The following PDE1C variants were observed in gnomAD, a reference collection of about 807,000 sequenced individuals.
The protein encoded by PDE1C is dual specificity calcium/calmodulin-dependent 3',5'-cyclic nucleotide phosphodiesterase 1C.
PDE1C carries 62 observed loss-of-function variants against 93.1 expected under a neutral mutation model. The observed-to-expected ratio is 0.67, with a 90% CI of 0.54 to 0.82. The LOEUF (loss-of-function observed/expected upper bound fraction) is 0.82. Among genes scored for constraint, PDE1C ranks in the 40% least tolerant of loss-of-function variants. The probability of loss-of-function intolerance (pLI) is 0.00; values close to 1 mark genes in which losing one functional copy is unlikely to be tolerated. For synonymous variants in PDE1C, 325 were observed against 310.1 expected (o/e 1.05, Z -0.50); for missense variants, 742 against 884.6 (o/e 0.84, Z 2.04).
chr7:31,809,180 GCC>G, intron 15 of PDE1C, 72 bp from the exon 16 acceptor site: 2 of 816,070 alleles, frequency 2.5e-6, no homozygotes, highest in South Asian at 1.4e-5. Flanking sequence ...CTTTAAGTCT[GCC>G]AAGTTTTGAA....
the PDE1C span, among the ~76,000 whole-genome samples, chr7:31,666,249 G>C: frequency 5.4e-4 from 82 of 152,240 alleles, no homozygotes; most frequent in Non-Finnish European, 1.1e-3. Flanking sequence ...GAAGAAAACT[G>C]AAAAAGTTAA....
chr7:32,004,641 T>C (rs552666637), intron 2 of PDE1C, among the ~76,000 whole-genome samples: 50 of 152,312 alleles, frequency 3.3e-4, no homozygotes, highest in African/African-American at 1.1e-3. Flanking sequence ...AGCAGGGATG[T>C]AGGAAGATGG....
chr7:31,765,708 T>C (rs1026029344), intron 17 of PDE1C, among the ~76,000 whole-genome samples: 2 of 152,166 alleles, frequency 1.3e-5, no homozygotes, highest in Middle Eastern at 3.2e-3. Context: ...TAAAAGACAG[T>C]TGCAGAGAGA....
chr7:31,634,739 CA>C, the PDE1C span, among the ~76,000 whole-genome samples: 1 of 152,138 alleles, frequency 6.6e-6, no homozygotes, highest in African/African-American at 2.4e-5. Flanking sequence ...TCCATTTACA[CA>C]ACTGGTTTGG....
chr7:32,292,837 G>A (rs964081595), intron 1 of PDE1C, among the ~76,000 whole-genome samples: 1 of 152,172 alleles, frequency 6.6e-6, no homozygotes, highest in Non-Finnish European at 1.5e-5. Context: ...ATGGCCCCAG[G>A]TGGACCCTGT....
chr7:32,080,480 A>T (rs975495144), intron 3 of PDE1C, among the ~76,000 whole-genome samples: 7 of 152,212 alleles, frequency 4.6e-5, no homozygotes, highest in African/African-American at 1.7e-4. Context: ...AGACCTGAAG[A>T]TGTGGAGCTA....
At chr7:31,685,407 T>C in the PDE1C span, among the ~76,000 whole-genome samples, 8 of 152,220 alleles carry the variant, frequency 5.3e-5, no homozygotes, top group Non-Finnish European at 1.0e-4. Context: ...CCATTGGATA[T>C]AACTGCTTAC....
At chr7:32,228,880 A>C (rs1282076777) in intron 1 of PDE1C, among the ~76,000 whole-genome samples, 2 of 151,834 alleles carry the variant, frequency 1.3e-5, no homozygotes, top group Admixed American at 1.3e-4. Flanking sequence ...CCATGATGCC[A>C]CTCTGCACCC....
chr7:31,845,529 G>A (rs1792454410), intron 9 of PDE1C, among the ~76,000 whole-genome samples: 1 of 152,040 alleles, frequency 6.6e-6, no homozygotes, highest in Non-Finnish European at 1.5e-5. Flanking sequence ...GGCTTGTCAG[G>A]GGGTCAGGGG....
chr7:31,797,779 G>T (rs911294545), intron 16 of PDE1C, among the ~76,000 whole-genome samples: 1 of 151,634 alleles, frequency 6.6e-6, no homozygotes, highest in Non-Finnish European at 1.5e-5. Flanking sequence ...TAAAAACAAC[G>T]CAGTATCGTC....
intron 1 of PDE1C, among the ~76,000 whole-genome samples, chr7:32,062,676 G>T (rs1794950856): frequency 6.6e-6 from 1 of 152,174 alleles, no homozygotes; most frequent in Admixed American, 6.5e-5. Flanking sequence ...GTCACAGCAG[G>T]TAGTAATTTA....
intron 2 of PDE1C, among the ~76,000 whole-genome samples, chr7:32,027,388 C>A (rs1256930489): frequency 6.6e-6 from 1 of 151,756 alleles, no homozygotes; most frequent in Non-Finnish European, 1.5e-5. Context: ...AAAGTCAAAT[C>A]AAAAATATGT....
chr7:31,904,513 T>C (rs1327487032), intron 2 of PDE1C, among the ~76,000 whole-genome samples: 3 of 152,040 alleles, frequency 2.0e-5, no homozygotes, highest in Non-Finnish European at 4.4e-5. Flanking sequence ...TGTGTCCAAA[T>C]ATTTAAATAT....
In PDE1C at chr7:31,875,793, CTATATA is replaced by C. The variant is rs71559206; in HGVS notation, c.492+2171_492+2176del. The stretch of plus-strand genomic sequence containing the variant: ...AACACCTCAAGTTAGAAGCTTACAT[CTATATA>C]TATATATATATATATATATATATAT... On this transcript the variant is annotated intron_variant, in intron 5 of 17. Coordinates refer to ENST00000396191, the MANE Select transcript of PDE1C (RefSeq NM_001191057.4). Among the ~76,000 whole-genome samples, 94 of 43,102 alleles carry C rather than the reference CTATATA, an allele frequency of 2.2e-3. 3 individuals carry two copies. Among genetic ancestry groups the C allele is most frequent in the African/African-American group, 3.7e-3 (52 of 13,974 alleles). 28.3% of individuals were successfully genotyped at this position (43,102 alleles called of 152,430 possible).
At chr7:32,323,261 A>G (rs1783334307) in intron 1 of PDE1C, among the ~76,000 whole-genome samples, 1 of 152,160 alleles carries the variant, frequency 6.6e-6, no homozygotes, top group Non-Finnish European at 1.5e-5. Flanking sequence ...GTATTTGCAG[A>G]TTTACTTTGC....
chr7:32,079,796 C>T (rs73098681), intron 3 of PDE1C, among the ~76,000 whole-genome samples: 26,458 of 152,114 alleles, frequency 0.17, 2,750 homozygotes, highest in East Asian at 0.4. Flanking sequence ...AGCCTAGGAC[C>T]GGCACAACAT....
chr7:32,018,561 C>T (rs144975356), intron 2 of PDE1C, among the ~76,000 whole-genome samples: 63 of 152,152 alleles, frequency 4.1e-4, no homozygotes, highest in African/African-American at 1.1e-3. Flanking sequence ...AGAAGCCAAA[C>T]GCAAAAGATC....
intron 7 of PDE1C, among the ~76,000 whole-genome samples, chr7:31,859,880 T>A (rs1208598229): frequency 6.6e-6 from 1 of 152,156 alleles, no homozygotes. Flanking sequence ...GTAGAACATA[T>A]TTTTCTACAA....
intron 1 of PDE1C, among the ~76,000 whole-genome samples, chr7:32,358,897 C>CTGTGTGTGTGTGTGTGTGTGTG (rs71559224): frequency 0.13 from 18,504 of 145,180 alleles, 1,648 homozygotes; most frequent in Admixed American, 0.23. Context: ...GTGTGTGTGT[C>CTGTGTGTGTGTGTGTGTGTGTG]TGTGTGTGTG....
Sources: allele counts gnomAD v4.1 joint callset (sites outside exome capture counted in the v4.1 genomes callset), GRCh38; gene constraint gnomAD v4.1.1; transcripts MANE v1.5; gene names NCBI Gene and HGNC (gene_info 2026-07-23, HGNC 2026-07-21).